Variants in OSBPL8 observed in about 807,000 individuals in gnomAD.
OSBPL8 encodes oxysterol-binding protein-related protein 8.
A neutral mutation model predicts 125.5 loss-of-function variants in OSBPL8; 59 were observed. The ratio of observed to expected loss-of-function variants is 0.47; its 90% CI spans 0.38 to 0.58. OSBPL8 has a LOEUF of 0.58. OSBPL8 is among the 20% of genes least tolerant of loss of function. The probability of loss-of-function intolerance (pLI) is 0.00; values close to 1 mark genes in which losing one functional copy is unlikely to be tolerated. For synonymous variants in OSBPL8, 330 were observed against 338.9 expected, an observed-to-expected ratio of 0.97 and a Z score of 0.29; for missense variants, 758 against 1,047.8, an observed-to-expected ratio of 0.72 and a Z score of 3.82.
At chr12:76,395,977 C>T (rs1326060740) in intron 8 of OSBPL8, among the ~76,000 whole-genome samples, 3 of 150,252 alleles carry the variant, frequency 2.0e-5, no homozygotes, top group South Asian at 4.2e-4. Flanking sequence ...GCTTGCAATT[C>T]CTAAGAGTAG....
intron 14 of OSBPL8, 163 bp downstream of exon 14, chr12:76,386,005 A>T: frequency 1.1e-6 from 1 of 927,072 alleles, no homozygotes; most frequent in Non-Finnish European, 1.5e-6. Context: ...GAATATATTT[A>T]GTAGTACTTT....
chr12:76,533,264 GT>G (rs970021274), intron 1 of OSBPL8, among the ~76,000 whole-genome samples: 77 of 151,766 alleles, frequency 5.1e-4, no homozygotes, highest in African/African-American at 1.6e-3. Context: ...CAAGAACCAG[GT>G]TTTTTTTAAG....
At chr12:76,372,487 G>T (rs1952658714) in intron 18 of OSBPL8, among the ~76,000 whole-genome samples, 1 of 151,996 alleles carries the variant, frequency 6.6e-6, no homozygotes, top group Non-Finnish European at 1.5e-5. Context: ...CACCCAGACA[G>T]AAATTTCATT....
Position 76,384,249 on chromosome 12 carries a change from C to A in OSBPL8, c.1630+5G>T. On this transcript the variant is annotated splice_donor_5th_base_variant and intron_variant, in intron 15 of 23. Transcript: ENST00000261183. ...GAGGGTGCAAGTTGGGACGGGAAAA[C>A]TCACCATAAAACTTAGACTTAGCCA... 6.8e-7 allele frequency: 1 copy of A among 1,477,254 alleles called. No homozygotes were observed. The allele number at this position is 1,477,254 out of a possible 1,614,324, so 91.5% of individuals were successfully genotyped here. A position where few individuals can be genotyped will look rare whatever the true frequency, so the allele number is the denominator to read the frequency against.
intron 1 of OSBPL8, among the ~76,000 whole-genome samples, chr12:76,534,074 T>C (rs1457725748): frequency 1.3e-5 from 2 of 152,248 alleles, no homozygotes; most frequent in African/African-American, 4.8e-5. Flanking sequence ...CTGAGTGCTA[T>C]TTTGAAACCA....
chr12:76,385,103 G>A (rs1180669909), intron 14 of OSBPL8, among the ~76,000 whole-genome samples: 1 of 152,110 alleles, frequency 6.6e-6, no homozygotes, highest in African/African-American at 2.4e-5. Flanking sequence ...TCTCTTACAT[G>A]AGACAAACTA....
At chr12:76,552,745 G>A (rs1950981529) in intron 1 of OSBPL8, among the ~76,000 whole-genome samples, 1 of 152,016 alleles carries the variant, frequency 6.6e-6, no homozygotes, top group Admixed American at 6.6e-5. Context: ...GTCAGCATAG[G>A]GCCAGTGCAA....
At chr12:76,394,161 T>C (rs1456755545) in intron 9 of OSBPL8, among the ~76,000 whole-genome samples, 2 of 152,194 alleles carry the variant, frequency 1.3e-5, no homozygotes, top group Admixed American at 1.3e-4. Flanking sequence ...ATTATTAAGA[T>C]TTTAAAGTTA....
rs567270985 is a variant in OSBPL8, at chr12:76,541,091, C to T, written c.-68+18306G>A. On this transcript the variant is annotated intron_variant, in intron 1 of 23. Transcript: ENST00000261183. Reference sequence around the variant, plus strand: ...GCCCCAGCTTCTCTAAGACACATAACGCAAGAAGATGGCACAATTCCTTAC... The same window carrying T: ...GCCCCAGCTTCTCTAAGACACATAATGCAAGAAGATGGCACAATTCCTTAC... 4.6e-5 allele frequency among the ~76,000 whole-genome samples: 7 copies of T among 152,292 alleles called. No homozygotes were observed. In the East Asian group the frequency reaches 5.8e-4, roughly 13 times the overall value.
chr12:76,432,967 A>C (rs1871023459), intron 4 of OSBPL8, among the ~76,000 whole-genome samples: 1 of 152,196 alleles, frequency 6.6e-6, no homozygotes, highest in African/African-American at 2.4e-5. Flanking sequence ...AATGGGATGA[A>C]AGATAAAACC....
chr12:76,470,595 T>C (rs984626872), intron 2 of OSBPL8, among the ~76,000 whole-genome samples: 3 of 152,242 alleles, frequency 2.0e-5, no homozygotes, highest in African/African-American at 7.2e-5. Flanking sequence ...GATTAAATCA[T>C]GACTGAGATC....
intron 1 of OSBPL8, among the ~76,000 whole-genome samples, chr12:76,512,050 G>A (rs1881052117): frequency 6.6e-6 from 1 of 152,096 alleles, no homozygotes; most frequent in Non-Finnish European, 1.5e-5. Context: ...GGGGTTCGTT[G>A]AACATATTAT....
chr12:76,546,155 A>G (rs76962176), intron 1 of OSBPL8, among the ~76,000 whole-genome samples: 1,957 of 152,318 alleles, frequency 0.013, 21 homozygotes, highest in Middle Eastern at 0.037. Flanking sequence ...GCTTATAGCA[A>G]GAAACATCTA....
chr12:76,488,693 G>A (rs1565939061), intron 1 of OSBPL8, among the ~76,000 whole-genome samples: 1 of 152,158 alleles, frequency 6.6e-6, no homozygotes, highest in Non-Finnish European at 1.5e-5. Context: ...AGGAGGTTTT[G>A]ACTGTTCCAC....
intron 3 of OSBPL8, 127 bp downstream of exon 3, chr12:76,459,732 C>T (rs961151137): frequency 4.6e-6 from 5 of 1,089,604 alleles, no homozygotes; most frequent in Non-Finnish European, 6.7e-6. Context: ...CTTTATATTT[C>T]AATTCCTGGA....
intron 1 of OSBPL8, among the ~76,000 whole-genome samples, chr12:76,494,467 C>T (rs958224069): frequency 3.3e-5 from 5 of 152,038 alleles, no homozygotes; most frequent in Admixed American, 3.3e-4. Flanking sequence ...ACTGGGAATT[C>T]AGTTAAAAGG....
chr12:76,352,382 A>G lies in OSBPL8; in HGVS notation c.*3507T>C, dbSNP rs1199760231. The G allele has an allele frequency of 6.6e-6, 1 of 152,560 alleles. No individual in the cohort carries two copies. The highest frequency in any genetic ancestry group is 1.5e-5 in the Non-Finnish European group (1 of 67,974). The allele number at this position is 152,560 out of a possible 1,614,324, so 9.5% of individuals were successfully genotyped here. A position where few individuals can be genotyped will look rare whatever the true frequency, so the allele number is the denominator to read the frequency against. ...CAATTTCAACAGTCCATCTTCAATTAAAAACTAACAAAAATAAACAGTATG... is the reference window on the plus strand; with the variant it reads ...CAATTTCAACAGTCCATCTTCAATTGAAAACTAACAAAAATAAACAGTATG... On this transcript the variant is annotated 3_prime_UTR_variant, in exon 24 of 24. Coordinates refer to ENST00000261183, the MANE Select transcript of OSBPL8 (RefSeq NM_020841.5).
rs1868729803 is a variant in OSBPL8 at position 76,416,787 on chromosome 12, T to C, written c.218-6153A>G. Among the ~76,000 whole-genome samples the C allele has an allele frequency of 3.3e-5, 5 of 152,134 alleles. 1 individual carries two copies. In the South Asian group the frequency reaches 1.0e-3, roughly 31 times the overall value. On this transcript the variant is annotated intron_variant, in intron 4 of 23. Transcript: ENST00000261183. The stretch of plus-strand genomic sequence containing the variant: ...TTTAGATCATTAGTACTCAATATAA[T>C]TGCTGACTTACCTAGATTTATATTT...
At chr12:76,496,835 C>T (rs960195018) in intron 1 of OSBPL8, among the ~76,000 whole-genome samples, 4 of 152,158 alleles carry the variant, frequency 2.6e-5, no homozygotes, top group Non-Finnish European at 5.9e-5. Context: ...AGCCACCGTG[C>T]GTGGCCTTGG....
Sources: gnomAD v4.1 joint callset for allele counts (sites outside exome capture counted in the v4.1 genomes callset) on GRCh38, gnomAD v4.1.1 for gene constraint, MANE v1.5 for transcripts, NCBI Gene and HGNC (gene_info 2026-07-23, HGNC 2026-07-21) for gene names.